CYYR1: variants seen among roughly 807,000 people sequenced by gnomAD.
CYYR1 encodes the protein cysteine and tyrosine rich 1.
A neutral mutation model predicts 15.2 loss-of-function variants in CYYR1; 14 were observed. That is an observed-to-expected ratio of 0.92 (90% confidence interval 0.61 to 1.44). The LOEUF is 1.44. CYYR1 is among the 40% of genes most tolerant of loss of function. The pLI is 0.00. For missense variants in CYYR1, 228 were observed against 209.5 expected (o/e 1.09, Z -0.54); for synonymous variants, 80 against 77.4 (o/e 1.03, Z -0.18).
At chr21:26,515,697 A>C (rs1472578925) in intron 2 of CYYR1, among the ~76,000 whole-genome samples, 1 of 152,168 alleles carries the variant, frequency 6.6e-6, no homozygotes, top group Non-Finnish European at 1.5e-5. Context: ...TTGATCTGAA[A>C]TAATACTAAA....
At chr21:26,534,753 A>G (rs1158263796) in intron 2 of CYYR1, among the ~76,000 whole-genome samples, 3 of 151,844 alleles carry the variant, frequency 2.0e-5, no homozygotes. Context: ...ATTGCACCAT[A>G]TTTTCTTGAC....
intron 2 of CYYR1, among the ~76,000 whole-genome samples, chr21:26,519,211 A>T (rs1023070870): frequency 1.3e-5 from 2 of 152,162 alleles, no homozygotes; most frequent in African/African-American, 4.8e-5. Flanking sequence ...GTCCTACAAG[A>T]GATTACATCC....
intron 2 of CYYR1, among the ~76,000 whole-genome samples, chr21:26,493,956 G>T (rs190010543): frequency 1.4e-4 from 21 of 152,274 alleles, no homozygotes; most frequent in Admixed American, 3.9e-4. Flanking sequence ...ACTCTTAACT[G>T]TCCTTCTCTG....
intron 2 of CYYR1, among the ~76,000 whole-genome samples, chr21:26,546,246 G>C (rs1008799312): frequency 1.3e-5 from 2 of 152,206 alleles, no homozygotes; most frequent in Non-Finnish European, 2.9e-5. Flanking sequence ...ACTTCTGTTA[G>C]ATTTCTTTCA....
intron 2 of CYYR1, among the ~76,000 whole-genome samples, chr21:26,505,536 G>A (rs1231359043): frequency 3.3e-5 from 5 of 152,174 alleles, no homozygotes; most frequent in Non-Finnish European, 7.4e-5. Context: ...TGTACCTAAA[G>A]GTTGTTAAGA....
At chr21:26,533,966 G>T (rs1348473226) in intron 2 of CYYR1, among the ~76,000 whole-genome samples, 1 of 152,074 alleles carries the variant, frequency 6.6e-6, no homozygotes, top group East Asian at 1.9e-4. Context: ...TAAAATTCAG[G>T]ATTCCAGTGT....
At chr21:26,480,576 T>TTA in intron 2 of CYYR1, 147 bp from the exon 3 acceptor site, 5 of 803,000 alleles carry the variant, frequency 6.2e-6, no homozygotes, top group Non-Finnish European at 8.9e-6. Context: ...TTTTTTTTTT[T>TTA]AAAACCCATA....
chr21:26,520,532 GTAAA>G (rs1458755508), intron 2 of CYYR1, among the ~76,000 whole-genome samples: 4 of 151,930 alleles, frequency 2.6e-5, no homozygotes, highest in Admixed American at 2.6e-4. Context: ...TAGTGCTTCA[GTAAA>G]CATATGTGTG....
chr21:26,550,912 T>C (rs1017949922), intron 2 of CYYR1: 7 of 152,488 alleles, frequency 4.6e-5, no homozygotes, highest in Middle Eastern at 3.4e-3. Context: ...CAGAGTCCTA[T>C]TGGAAGAAGA....
chr21:26,536,470 T>A (rs1978302887), intron 2 of CYYR1, among the ~76,000 whole-genome samples: 2 of 152,178 alleles, frequency 1.3e-5, no homozygotes, highest in Non-Finnish European at 2.9e-5. Context: ...GGCAGGAACT[T>A]CAGACTTTTT....
At chr21:26,561,218 A>G (rs1430165914) in intron 2 of CYYR1, among the ~76,000 whole-genome samples, 1 of 152,168 alleles carries the variant, frequency 6.6e-6, no homozygotes, top group Non-Finnish European at 1.5e-5. Context: ...AACAAAAATA[A>G]GACTCCCACA....
At chr21:26,540,005 T>A (rs1272503834) in intron 2 of CYYR1, among the ~76,000 whole-genome samples, 1 of 152,246 alleles carries the variant, frequency 6.6e-6, no homozygotes, top group Non-Finnish European at 1.5e-5. Context: ...AATGTCACTT[T>A]AAGGAAGGCC....
Position 26,470,340 on chromosome 21 carries a change from G to GA in CYYR1, c.335-1707dup, listed in dbSNP as rs202145933. 4.6e-3 allele frequency among the ~76,000 whole-genome samples: 696 copies of GA among 152,226 alleles called. 4 individuals are homozygous for GA. The highest frequency in any genetic ancestry group is 0.016 in the African/African-American group (668 of 41,536). ...TACATAGGGCTTCCACTGATATGCA[G>GA]AAAAAAACTATGTTTTTGATATGGT... is the stretch of plus-strand genomic sequence containing the variant. On this transcript the variant is annotated intron_variant, in intron 3 of 3. Coordinates refer to ENST00000652641, the MANE Select transcript of CYYR1 (RefSeq NM_001320768.2).
At chr21:26,501,727 G>A (rs1202038437) in intron 2 of CYYR1, among the ~76,000 whole-genome samples, 1 of 152,126 alleles carries the variant, frequency 6.6e-6, no homozygotes, top group Non-Finnish European at 1.5e-5. Flanking sequence ...CTCGATGGAA[G>A]GATTCCCACA....
intron 3 of CYYR1, among the ~76,000 whole-genome samples, chr21:26,472,110 C>T (rs892939919): frequency 1.3e-5 from 2 of 152,172 alleles, no homozygotes; most frequent in African/African-American, 4.8e-5. Context: ...TAAATACTGT[C>T]TCTTAGTCAT....
intron 1 of CYYR1, among the ~76,000 whole-genome samples, chr21:26,567,221 T>A (rs1245646070): frequency 1.3e-5 from 2 of 152,200 alleles, no homozygotes; most frequent in Non-Finnish European, 1.5e-5. Flanking sequence ...GGTAACACAA[T>A]GAGTCTGCAT....
intron 2 of CYYR1, among the ~76,000 whole-genome samples, chr21:26,490,738 A>C (rs1449167606): frequency 6.6e-6 from 1 of 152,172 alleles, no homozygotes; most frequent in Non-Finnish European, 1.5e-5. Context: ...TTTGTGGTAG[A>C]GTTCAAACTG....
At chr21:26,499,830 A>AT (rs1286340086) in intron 2 of CYYR1, among the ~76,000 whole-genome samples, 1 of 148,730 alleles carries the variant, frequency 6.7e-6, no homozygotes, top group African/African-American at 2.5e-5. Context: ...AACAGAACAC[A>AT]TTTTTGTTTT....
At chr21:26,496,358 A>G (rs2065404377) in intron 2 of CYYR1, among the ~76,000 whole-genome samples, 1 of 152,218 alleles carries the variant, frequency 6.6e-6, no homozygotes, top group African/African-American at 2.4e-5. Flanking sequence ...GAACTGGAAA[A>G]GAAGAATATT....
Sources: gnomAD v4.1 joint callset for allele counts (sites outside exome capture counted in the v4.1 genomes callset) on GRCh38, gnomAD v4.1.1 for gene constraint, MANE v1.5 for transcripts, NCBI Gene and HGNC (gene_info 2026-07-23, HGNC 2026-07-21) for gene names.